Variants in COL15A1 observed in about 807,000 individuals in gnomAD.
The protein encoded by COL15A1 is collagen type XV alpha 1 chain, also known as collagen alpha-1(XV) chain.
A neutral mutation model predicts 165.9 loss-of-function variants in COL15A1; 111 were observed. That is an observed-to-expected ratio of 0.67 (90% CI 0.57 to 0.78). The LOEUF (loss-of-function observed/expected upper bound fraction) is 0.78, where lower values mean the gene tolerates loss of function less well. Among genes scored for constraint, COL15A1 ranks in the 30% least tolerant of loss-of-function variants. COL15A1 has a pLI of 0.00. For synonymous variants in COL15A1, 659 were observed against 674.8 expected (o/e 0.98, Z 0.36); for missense variants, 1,745 against 1,789.7 (o/e 0.98, Z 0.45).
At chr9:99,055,459 T>A (rs1825708695) in intron 34 of COL15A1, 87 bp downstream of exon 34, 1 of 784,672 alleles carries the variant, frequency 1.3e-6, no homozygotes, top group Admixed American at 2.1e-5. Context: ...TTAGGGCTAG[T>A]CATTGTACTA....
intron 7 of COL15A1, among the ~76,000 whole-genome samples, chr9:99,001,537 A>G (rs528410899): frequency 7.9e-5 from 12 of 152,346 alleles, no homozygotes; most frequent in Non-Finnish European, 1.3e-4. Context: ...TTTCACAGAT[A>G]TTTAAAAGTC....
chr9:98,964,746 A>G (rs974105497), intron 2 of COL15A1, among the ~76,000 whole-genome samples: 1 of 152,152 alleles, frequency 6.6e-6, no homozygotes. Flanking sequence ...GGGGAATACA[A>G]CATGCCAAAG....
chr9:99,034,907 A>C, intron 17 of COL15A1, 107 bp from the exon 18 acceptor site: 1 of 1,048,180 alleles, frequency 9.5e-7, no homozygotes, highest in Non-Finnish European at 1.5e-6. Context: ...CAGAGAATTC[A>C]TCAACCTAAT....
At chr9:98,977,566 G>A (rs1838160280) in intron 2 of COL15A1, among the ~76,000 whole-genome samples, 1 of 152,252 alleles carries the variant, frequency 6.6e-6, no homozygotes, top group African/African-American at 2.4e-5. Flanking sequence ...GGAAGGATGT[G>A]GTGGGGGTTG....
chr9:99,070,191 T>C lies in COL15A1; in HGVS notation c.*305T>C. 1.3e-5 allele frequency: 4 copies of C among 306,984 alleles called. No homozygotes were observed. Among genetic ancestry groups the C allele is most frequent in the Non-Finnish European group, 2.4e-5 (4 of 163,756 alleles). The allele number at this position is 306,984 out of a possible 1,614,324, so 19.0% of individuals were successfully genotyped here. A position where few individuals can be genotyped will look rare whatever the true frequency, so the allele number is the denominator to read the frequency against. On this transcript the variant is annotated 3_prime_UTR_variant, in exon 42 of 42. Transcript: ENST00000375001. ...AACAAAGGCCATGGCATTCTGCCAC[T>C]GCATCCTTCAGACAGTTATATCCTC...
chr9:99,007,264 T>A (rs968898545), intron 9 of COL15A1, among the ~76,000 whole-genome samples: 1 of 152,210 alleles, frequency 6.6e-6, no homozygotes, highest in Non-Finnish European at 1.5e-5. Flanking sequence ...AAGGACAAAT[T>A]GTGAGGGAGG....
At chr9:99,035,488 C>T in intron 19 of COL15A1, 70 bp downstream of exon 19, 1 of 1,595,626 alleles carries the variant, frequency 6.3e-7, no homozygotes, top group Admixed American at 1.7e-5. Flanking sequence ...AAGCTGTGGG[C>T]TGCATCCCGG....
intron 2 of COL15A1, among the ~76,000 whole-genome samples, chr9:98,962,434 C>T (rs1393501905): frequency 6.6e-6 from 1 of 152,174 alleles, no homozygotes; most frequent in Non-Finnish European, 1.5e-5. Flanking sequence ...TTGTTTATTT[C>T]CTGGAGGATT....
chr9:98,989,521 G>T (rs1332948682), intron 5 of COL15A1, among the ~76,000 whole-genome samples: 1 of 152,234 alleles, frequency 6.6e-6, no homozygotes, highest in Non-Finnish European at 1.5e-5. Flanking sequence ...GTGCTGTATT[G>T]CTTTGGAGCC....
chr9:99,049,818 T>C, intron 29 of COL15A1, 36 bp from the exon 30 acceptor site: 1 of 1,614,254 alleles, frequency 6.2e-7, no homozygotes, highest in Non-Finnish European at 8.5e-7. Context: ...TCAGGTGTCC[T>C]GTTGACCTCA....
At chr9:98,962,027 G>C (rs901310674) in intron 2 of COL15A1, among the ~76,000 whole-genome samples, 1 of 152,218 alleles carries the variant, frequency 6.6e-6, no homozygotes, top group Non-Finnish European at 1.5e-5. Flanking sequence ...AACAATTGCT[G>C]TCTGCGGTTA....
intron 35 of COL15A1, among the ~76,000 whole-genome samples, chr9:99,057,986 A>C (rs1291002710): frequency 6.6e-6 from 1 of 152,152 alleles, no homozygotes; most frequent in Non-Finnish European, 1.5e-5. Context: ...GGGAGTGAAC[A>C]GTCAACTTGT....
chr9:98,969,123 C>T lies in COL15A1; in HGVS notation c.101-16442C>T, dbSNP rs113293016. On this transcript the variant is annotated intron_variant, in intron 2 of 41. Transcript: ENST00000375001. ...TGCAGTCTCATGAGAAAGATTGTATCACCCTATTTTGCAGAAGAGAAAACT... is the reference window on the plus strand; with the variant it reads ...TGCAGTCTCATGAGAAAGATTGTATTACCCTATTTTGCAGAAGAGAAAACT... Among the ~76,000 whole-genome samples the T allele has an allele frequency of 6.4e-3, 969 of 152,248 alleles. 9 individuals are homozygous for T. The highest frequency in any genetic ancestry group is 0.022 in the African/African-American group (914 of 41,532).
chr9:98,973,044 G>A (rs922158010), intron 2 of COL15A1, among the ~76,000 whole-genome samples: 12 of 152,226 alleles, frequency 7.9e-5, no homozygotes, highest in Non-Finnish European at 1.0e-4. Flanking sequence ...GAAGGAACGG[G>A]TAAGAGGATG....
Position 99,020,454 on chromosome 9 carries a change from G to A in COL15A1, c.1701+12G>A. ...CCAAAGGAGAAAAGGTTTGTGCTGTGACCATCCTGGGGAACACTTTGGCTC... is the reference window on the plus strand; with the variant it reads ...CCAAAGGAGAAAAGGTTTGTGCTGTAACCATCCTGGGGAACACTTTGGCTC... On this transcript the variant is annotated intron_variant, in intron 12 of 41. Coordinates refer to ENST00000375001, the MANE Select transcript of COL15A1 (RefSeq NM_001855.5). The A allele has an allele frequency of 6.3e-7, 1 of 1,597,782 alleles. No individual in the cohort carries two copies. Among genetic ancestry groups the A allele is most frequent in the Non-Finnish European group, 8.6e-7 (1 of 1,165,096 alleles).
Position 99,066,907 on chromosome 9 carries a change from C to T in COL15A1, c.3677C>T (p.Pro1226Leu), listed in dbSNP as rs1418722965. ...CTGCATTTGGCTGCTCTGAACATGC[C>T]ATTTTCTGGGGACATTCGAGCTGAT... Reference protein sequence around the residue: ...PALHLAALNMPFSGDIRADFQ... With the variant: ...PALHLAALNMLFSGDIRADFQ... The change falls in exon 40 of 42, where the codon CCA (proline) becomes CTA (leucine). Residue 1226 changes from proline to leucine, a missense_variant. Pro to Leu is a moderately conservative substitution (Grantham distance 98, BLOSUM62 -3). Transcript: ENST00000375001. The T allele has an allele frequency of 6.2e-7, 1 of 1,613,848 alleles. No individual in the cohort carries two copies. Among genetic ancestry groups the T allele is most frequent in the Non-Finnish European group, 8.5e-7 (1 of 1,179,946 alleles).
intron 6 of COL15A1, among the ~76,000 whole-genome samples, chr9:98,998,624 G>A (rs976020193): frequency 8.5e-5 from 13 of 152,192 alleles, no homozygotes; most frequent in African/African-American, 2.9e-4. Context: ...GAATCTGGCC[G>A]CAGTTGTGGA....
intron 5 of COL15A1, among the ~76,000 whole-genome samples, chr9:98,991,448 A>G (rs1283781709): frequency 1.3e-5 from 2 of 152,208 alleles, no homozygotes; most frequent in Admixed American, 6.5e-5. Flanking sequence ...CTAGCTAGAC[A>G]CAAAAGTTCT....
intron 16 of COL15A1, 103 bp from the exon 17 acceptor site, chr9:99,034,446 T>A (rs1001973721): frequency 6.8e-7 from 1 of 1,477,918 alleles, no homozygotes; most frequent in Non-Finnish European, 9.1e-7. Context: ...AGTCCTATTT[T>A]AATATCCTAT....
Sources: allele counts gnomAD v4.1 joint callset (sites outside exome capture counted in the v4.1 genomes callset), GRCh38; gene constraint gnomAD v4.1.1; transcripts MANE v1.5; gene names NCBI Gene and HGNC (gene_info 2026-07-23, HGNC 2026-07-21).